The following GOLGA3 variants were observed in gnomAD, a reference collection of about 807,000 sequenced individuals.
GOLGA3 encodes the protein golgin A3, also known as golgin subfamily A member 3.
Under a neutral mutation model 169.4 loss-of-function variants are expected in GOLGA3, and 75 were observed. The observed-to-expected ratio is 0.44, with a 90% CI of 0.37 to 0.54. GOLGA3 has a LOEUF of 0.54. Ranked by LOEUF, GOLGA3 falls within the 20% of genes least tolerant of loss-of-function variation. GOLGA3 has a pLI of 0.00. For missense variants in GOLGA3, 1,899 were observed against 1,930.0 expected (o/e 0.98, Z 0.30); for synonymous variants, 824 against 822.4 (o/e 1.00, Z -0.03).
In GOLGA3 at chr12:132,773,003, C is replaced by T; in HGVS notation, c.*102G>A. 2 of 908,204 alleles carry T rather than the reference C, an allele frequency of 2.2e-6. No individual in the cohort carries two copies. Among genetic ancestry groups the T allele is most frequent in the Middle Eastern group, 2.3e-4 (1 of 4,330 alleles). The allele number at this position is 908,204 out of a possible 1,614,324, so 56.3% of individuals were successfully genotyped here. A position where few individuals can be genotyped will look rare whatever the true frequency, so the allele number is the denominator to read the frequency against. On this transcript the variant is annotated 3_prime_UTR_variant, in exon 24 of 24. Coordinates refer to ENST00000450791, the MANE Select transcript of GOLGA3 (RefSeq NM_001389683.1). ...ACTTCTTGTTAAAGGCAAAACAAAA[C>T]TTAAATTTCATGTCTTAGAAAAACA...
chr12:132,780,221 C>T (rs1431939628), intron 18 of GOLGA3, among the ~76,000 whole-genome samples: 4 of 151,618 alleles, frequency 2.6e-5, no homozygotes, highest in Admixed American at 6.6e-5. Flanking sequence ...TGCACGCACA[C>T]CCCCCATGTG....
At chr12:132,821,867 A>AC (rs1162654422) in intron 2 of GOLGA3, 129 bp downstream of exon 2, 1 of 664,580 alleles carries the variant, frequency 1.5e-6, no homozygotes, top group African/African-American at 1.9e-5. Context: ...AAAAAAAAAA[A>AC]AAAAAAACAA....
intron 23 of GOLGA3, among the ~76,000 whole-genome samples, chr12:132,773,599 T>A (rs2045033518): frequency 6.6e-6 from 1 of 152,202 alleles, no homozygotes; most frequent in African/African-American, 2.4e-5. Flanking sequence ...CCTACACACT[T>A]CGCTCAGCCT....
chr12:132,775,081 C>A (rs747799934), intron 22 of GOLGA3, 60 bp downstream of exon 22: 4 of 1,469,924 alleles, frequency 2.7e-6, no homozygotes, highest in Non-Finnish European at 3.7e-6. Flanking sequence ...TGCCAGCCTC[C>A]TGTCCGAGAG....
At chr12:132,788,592 T>C (rs547638859) in intron 13 of GOLGA3, among the ~76,000 whole-genome samples, 302 of 152,246 alleles carry the variant, frequency 2.0e-3, no homozygotes, top group African/African-American at 6.9e-3. Flanking sequence ...AGCTCCGCAC[T>C]CAGCCACGAG....
At chr12:132,813,054 T>C (rs75853986) in intron 4 of GOLGA3, among the ~76,000 whole-genome samples, 4,010 of 152,340 alleles carry the variant, frequency 0.026, 161 homozygotes, top group African/African-American at 0.091. Flanking sequence ...ACCAAAAACA[T>C]TGTAGGACTT....
intron 3 of GOLGA3, among the ~76,000 whole-genome samples, chr12:132,816,235 G>A (rs1455643822): frequency 6.6e-6 from 1 of 152,186 alleles, no homozygotes; most frequent in African/African-American, 2.4e-5. Context: ...CAAAACAACA[G>A]ACTGGATGCC....
intron 1 of GOLGA3, chr12:132,825,719 GAGCGTGCCTACCAAA>G: frequency 6.6e-7 from 1 of 1,515,094 alleles, no homozygotes; most frequent in Non-Finnish European, 9.2e-7. Context: ...CATTCAGACT[GAGCGTGCCTACCAAA>G]AGCAGCCGAC....
At chr12:132,780,998 C>T (rs1269682370) in intron 17 of GOLGA3, 84 bp from the exon 18 acceptor site, 10 of 946,822 alleles carry the variant, frequency 1.1e-5, no homozygotes, top group South Asian at 2.6e-5. Context: ...ACGTGACACA[C>T]GCCACATCAC....
chr12:132,819,762 G>A (rs973131246), intron 2 of GOLGA3, among the ~76,000 whole-genome samples: 10 of 152,194 alleles, frequency 6.6e-5, no homozygotes, highest in East Asian at 1.9e-4. Flanking sequence ...GGGTTAGGCC[G>A]GGCGCAGTGG....
intron 11 of GOLGA3, among the ~76,000 whole-genome samples, chr12:132,791,541 A>G (rs1189733953): frequency 3.6e-5 from 5 of 137,876 alleles, no homozygotes; most frequent in Non-Finnish European, 7.8e-5. Flanking sequence ...AGGGCTCCAG[A>G]AGGGGCCACA....
intron 16 of GOLGA3, among the ~76,000 whole-genome samples, chr12:132,783,127 T>C (rs975053969): frequency 6.6e-6 from 1 of 152,074 alleles, no homozygotes; most frequent in Non-Finnish European, 1.5e-5. Context: ...ACCTGGGAAG[T>C]GGAGGCTGTG....
At chr12:132,818,700 C>A (rs901570843) in intron 2 of GOLGA3, among the ~76,000 whole-genome samples, 11 of 152,206 alleles carry the variant, frequency 7.2e-5, no homozygotes, top group Non-Finnish European at 1.3e-4. Flanking sequence ...AGAGTCACAG[C>A]CTCACATTTA....
intron 1 of GOLGA3, among the ~76,000 whole-genome samples, chr12:132,823,138 G>A (rs1422951538): frequency 6.6e-6 from 1 of 152,210 alleles, no homozygotes; most frequent in African/African-American, 2.4e-5. Context: ...CCTTGGAGTG[G>A]GGGCACAGAA....
chr12:132,820,849 C>T (rs1950175314), intron 2 of GOLGA3, among the ~76,000 whole-genome samples: 1 of 152,142 alleles, frequency 6.6e-6, no homozygotes, highest in African/African-American at 2.4e-5. Context: ...CCTGTAATCC[C>T]AGCACTTTTT....
At chr12:132,807,760 GCCCACCCC>G in intron 5 of GOLGA3, 123 bp downstream of exon 5, 2 of 253,650 alleles carry the variant, frequency 7.9e-6, no homozygotes, top group East Asian at 9.9e-5. Context: ...GCCCGTCTCT[GCCCACCCC>G]GCCCCCTCTG....
intron 21 of GOLGA3, among the ~76,000 whole-genome samples, chr12:132,775,839 A>G (rs1441364489): frequency 6.6e-6 from 1 of 152,236 alleles, no homozygotes; most frequent in Non-Finnish European, 1.5e-5. Context: ...AGCAGTCAAG[A>G]CCGAACCCTG....
intron 18 of GOLGA3, 84 bp downstream of exon 18, chr12:132,780,714 G>C: frequency 1.2e-6 from 1 of 836,236 alleles, no homozygotes; most frequent in South Asian, 1.4e-5. Context: ...CTGGAAGGAG[G>C]CTGGTGTGTG....
intron 4 of GOLGA3, among the ~76,000 whole-genome samples, chr12:132,809,610 G>A (rs2136633557): frequency 6.6e-6 from 1 of 152,340 alleles, no homozygotes; most frequent in South Asian, 2.1e-4. Flanking sequence ...CATAACAGAA[G>A]GCTTGCACTC....
Sources: allele counts gnomAD v4.1 joint callset (sites outside exome capture counted in the v4.1 genomes callset), GRCh38; gene constraint gnomAD v4.1.1; transcripts MANE v1.5; gene names NCBI Gene and HGNC (gene_info 2026-07-23, HGNC 2026-07-21).